Variants in BRINP3 observed in about 807,000 individuals in gnomAD.
The protein encoded by BRINP3 is BMP/retinoic acid inducible neural specific 3, also known as BMP/retinoic acid-inducible neural-specific protein 3.
A neutral mutation model predicts 71.0 loss-of-function variants in BRINP3; 19 were observed. That is an observed-to-expected ratio of 0.27 (90% confidence interval 0.19 to 0.39). The LOEUF (loss-of-function observed/expected upper bound fraction) is 0.39. BRINP3 is among the 10% of genes least tolerant of loss of function. The pLI, the probability that BRINP3 is intolerant of heterozygous loss-of-function variation, is 1.00. For synonymous variants in BRINP3, 380 were observed against 337.7 expected, an observed-to-expected ratio of 1.13 and a Z score of -1.37; for missense variants, 959 against 940.8, an observed-to-expected ratio of 1.02 and a Z score of -0.25.
intron 7 of BRINP3, among the ~76,000 whole-genome samples, chr1:190,160,263 A>G (rs1168796752): frequency 1.3e-5 from 2 of 152,172 alleles, no homozygotes; most frequent in East Asian, 3.9e-4. Flanking sequence ...GTTATAGAAA[A>G]TACATCTTGA....
intron 7 of BRINP3, among the ~76,000 whole-genome samples, chr1:190,108,299 C>A (rs192945226): frequency 2.8e-4 from 42 of 151,892 alleles, no homozygotes; most frequent in Admixed American, 2.0e-3. Context: ...ATAGGTTATA[C>A]GGCCCTTACA....
intron 7 of BRINP3, among the ~76,000 whole-genome samples, chr1:190,127,291 A>G (rs7540848): frequency 0.62 from 94,034 of 151,648 alleles, 31,146 homozygotes; most frequent in African/African-American, 0.87. Context: ...CTAAGTGAGA[A>G]ACACCTAATA....
At chr1:190,224,356 T>C (rs1252409223) in intron 6 of BRINP3, among the ~76,000 whole-genome samples, 1 of 151,744 alleles carries the variant, frequency 6.6e-6, no homozygotes, top group Non-Finnish European at 1.5e-5. Flanking sequence ...CCAACTCAAC[T>C]TTGACAAAGA....
At chr1:190,157,813 T>C (rs541162818) in intron 7 of BRINP3, among the ~76,000 whole-genome samples, 20 of 152,172 alleles carry the variant, frequency 1.3e-4, no homozygotes, top group African/African-American at 4.1e-4. Context: ...GGAAGCTTTA[T>C]TGATGTGAAT....
Position 190,234,255 on chromosome 1 carries a change from G to C in BRINP3, c.724+117C>G, listed in dbSNP as rs188438238. On this transcript the variant is annotated intron_variant, in intron 5 of 7. Coordinates refer to ENST00000367462, the MANE Select transcript of BRINP3 (RefSeq NM_199051.3). ...TTAAATTATGAAATTAGCCTTTAAT[G>C]AGAGTTTTTAATAGCCTGTATGTAT... The C allele has an allele frequency of 2.7e-5, 14 of 519,836 alleles. No individual in the cohort carries two copies. In the Admixed American group the frequency reaches 5.5e-4, roughly 20 times the overall value. The allele number at this position is 519,836 out of a possible 1,614,324, so 32.2% of individuals were successfully genotyped here.
chr1:190,401,309 G>A (rs1671905003), intron 2 of BRINP3, among the ~76,000 whole-genome samples: 1 of 134,122 alleles, frequency 7.5e-6, no homozygotes. Context: ...AGTGAGCCAA[G>A]ATGAAGCCAC....
At chr1:190,188,960 C>A (rs1002825438) in intron 6 of BRINP3, among the ~76,000 whole-genome samples, 1 of 152,028 alleles carries the variant, frequency 6.6e-6, no homozygotes, top group Non-Finnish European at 1.5e-5. Context: ...GGGGGTCTCA[C>A]CTTATTGGCC....
chr1:190,214,858 C>A (rs928720385), intron 6 of BRINP3, among the ~76,000 whole-genome samples: 1 of 151,912 alleles, frequency 6.6e-6, no homozygotes, highest in Non-Finnish European at 1.5e-5. Flanking sequence ...CAGACCATCT[C>A]AGATTGACTT....
chr1:190,370,879 T>C (rs1017108077), intron 2 of BRINP3, among the ~76,000 whole-genome samples: 6 of 152,220 alleles, frequency 3.9e-5, no homozygotes, highest in Non-Finnish European at 8.8e-5. Flanking sequence ...TTTTAATTTG[T>C]ATTTTAATTA....
At chr1:190,177,205 C>T (rs140804374) in intron 6 of BRINP3, among the ~76,000 whole-genome samples, 2 of 140,052 alleles carry the variant, frequency 1.4e-5, no homozygotes, top group East Asian at 4.3e-4. Context: ...CTCTGTCACC[C>T]AGGCTGGAGT....
intron 2 of BRINP3, among the ~76,000 whole-genome samples, chr1:190,417,255 A>G (rs1193064996): frequency 6.6e-6 from 1 of 152,120 alleles, no homozygotes; most frequent in Non-Finnish European, 1.5e-5. Flanking sequence ...AAAAAAAATC[A>G]TTTTGCCATA....
intron 6 of BRINP3, among the ~76,000 whole-genome samples, chr1:190,219,144 A>T (rs534510417): frequency 1.9e-4 from 29 of 152,206 alleles, no homozygotes; most frequent in African/African-American, 6.5e-4. Flanking sequence ...AAATGAAAAA[A>T]ATTGGACAGA....
chr1:190,437,767 C>G (rs1236759259), intron 2 of BRINP3, among the ~76,000 whole-genome samples: 3 of 151,454 alleles, frequency 2.0e-5, no homozygotes, highest in Non-Finnish European at 3.0e-5. Context: ...CTGTTAAATA[C>G]TGTTAAAAAA....
chr1:190,460,451 A>G (rs796457718), intron 1 of BRINP3, among the ~76,000 whole-genome samples: 2 of 152,086 alleles, frequency 1.3e-5, no homozygotes, highest in Admixed American at 6.6e-5. Context: ...ATTTTAACAT[A>G]AATTTTCAAT....
chr1:190,298,728 A>G (rs1285491455), intron 2 of BRINP3, among the ~76,000 whole-genome samples: 1 of 151,778 alleles, frequency 6.6e-6, no homozygotes, highest in African/African-American at 2.4e-5. Context: ...TTGTCTCATG[A>G]CTCTTAATAT....
chr1:190,102,234 T>C (rs916804309), intron 7 of BRINP3, among the ~76,000 whole-genome samples: 1 of 152,116 alleles, frequency 6.6e-6, no homozygotes, highest in Admixed American at 6.6e-5. Context: ...ACTAAGCAAA[T>C]TGCAGAATTG....
At chr1:190,112,433 A>G (rs1206752858) in intron 7 of BRINP3, among the ~76,000 whole-genome samples, 1 of 152,176 alleles carries the variant, frequency 6.6e-6, no homozygotes, top group Non-Finnish European at 1.5e-5. Context: ...GAATATTTCT[A>G]TGCATTAGTA....
chr1:190,403,923 T>C (rs544053290), intron 2 of BRINP3, among the ~76,000 whole-genome samples: 1 of 152,316 alleles, frequency 6.6e-6, no homozygotes, highest in South Asian at 2.1e-4. Context: ...TAGCAATGTG[T>C]ATTTTAAGGA....
intron 2 of BRINP3, among the ~76,000 whole-genome samples, chr1:190,414,322 T>C (rs1672876026): frequency 6.6e-6 from 1 of 152,002 alleles, no homozygotes; most frequent in Non-Finnish European, 1.5e-5. Flanking sequence ...TATTTGAGGT[T>C]GAATAAATCA....
Sources: allele counts gnomAD v4.1 joint callset (sites outside exome capture counted in the v4.1 genomes callset), GRCh38; gene constraint gnomAD v4.1.1; transcripts MANE v1.5; gene names NCBI Gene and HGNC (gene_info 2026-07-23, HGNC 2026-07-21).